The following MCCC1 variants were observed in gnomAD, a reference collection of about 807,000 sequenced individuals.
MCCC1 encodes the protein methylcrotonyl-CoA carboxylase subunit 1, also known as methylcrotonoyl-CoA carboxylase subunit alpha, mitochondrial.
Under a neutral mutation model 83.8 loss-of-function variants are expected in MCCC1, and 64 were observed. The ratio of observed to expected loss-of-function variants is 0.76; its 90% CI spans 0.62 to 0.94. MCCC1 has a LOEUF of 0.94. MCCC1 is among the 40% of genes least tolerant of loss of function. The pLI is 0.00. For missense variants in MCCC1, 807 were observed against 904.7 expected (o/e 0.89, Z 1.39); for synonymous variants, 322 against 315.4 (o/e 1.02, Z -0.22).
At chr3:183,034,817 G>A (rs180853286) in intron 13 of MCCC1, among the ~76,000 whole-genome samples, 6 of 147,276 alleles carry the variant, frequency 4.1e-5, no homozygotes, top group East Asian at 2.0e-4. Context: ...TCGTTCTGTC[G>A]CCCAGGATGG....
chr3:183,034,133 T>C, intron 13 of MCCC1, 56 bp from the exon 14 acceptor site: 2 of 1,203,244 alleles, frequency 1.7e-6, no homozygotes, highest in Non-Finnish European at 2.5e-6. Context: ...CTATGAAATT[T>C]ACACCTTACA....
At position 183,041,698 on chromosome 3, in the gene MCCC1, C is replaced by T; in HGVS notation, c.1136G>A (p.Gly379Asp). 2.5e-6 allele frequency: 4 copies of T among 1,614,184 alleles called. No individual in the cohort carries two copies. The highest frequency in any genetic ancestry group is 1.1e-5 in the South Asian group (1 of 91,068). The change falls in exon 11 of 19, where the codon GGC becomes GAC. Residue 379 changes from glycine (G) to aspartate (D), a missense_variant. Transcript: ENST00000265594. Reference sequence around the variant, plus strand: ...ATATATTCTAGCTTCGAAGGCATGGCCCTGCAGAGTTATTTCTTCCTGGCT... The same window carrying T: ...ATATATTCTAGCTTCGAAGGCATGGTCCTGCAGAGTTATTTCTTCCTGGCT... ...PLSQEEITLQGHAFEARIYAE... is the reference protein window; with the variant it reads ...PLSQEEITLQDHAFEARIYAE...
At chr3:183,105,015 T>C (rs1719383032) in intron 1 of MCCC1, among the ~76,000 whole-genome samples, 1 of 152,254 alleles carries the variant, frequency 6.6e-6, no homozygotes, top group Non-Finnish European at 1.5e-5. Flanking sequence ...ATAGCATTGT[T>C]GGAAATAGCA....
chr3:183,022,327 G>T, intron 16 of MCCC1, 90 bp downstream of exon 16: 4 of 1,487,816 alleles, frequency 2.7e-6, no homozygotes, highest in Non-Finnish European at 3.7e-6. Flanking sequence ...ACAGGAAGCT[G>T]GATCTTTCTA....
rs1717927826 is a variant in MCCC1, at chr3:183,086,808, T to C, written c.274-20A>G. On this transcript the variant is annotated intron_variant, in intron 3 of 18. Transcript: ENST00000265594. Reference sequence around the variant, plus strand: ...ATCTGCCTGTTTAAGAAACATCACATGCTTAAAAGACTTTGTGGCTAGTAC... The same window carrying C: ...ATCTGCCTGTTTAAGAAACATCACACGCTTAAAAGACTTTGTGGCTAGTAC... The C allele has an allele frequency of 3.7e-6, 6 of 1,608,662 alleles. No homozygotes were observed. The highest frequency in any genetic ancestry group is 3.3e-4 in the Middle Eastern group (2 of 6,080).
chr3:183,066,280 T>C (rs1716251440), intron 7 of MCCC1, among the ~76,000 whole-genome samples: 1 of 152,190 alleles, frequency 6.6e-6, no homozygotes, highest in African/African-American at 2.4e-5. Flanking sequence ...TGTCTTGTTT[T>C]GATCCTCTTC....
At chr3:183,033,681 AG>A (rs1197461701) in intron 14 of MCCC1, among the ~76,000 whole-genome samples, 1 of 152,058 alleles carries the variant, frequency 6.6e-6, no homozygotes, top group Non-Finnish European at 1.5e-5. Flanking sequence ...GGGGAAAAAG[AG>A]GTTTTTTTGG....
At chr3:183,089,815 T>C (rs1577358043) in intron 3 of MCCC1, among the ~76,000 whole-genome samples, 1 of 152,112 alleles carries the variant, frequency 6.6e-6, no homozygotes, top group Non-Finnish European at 1.5e-5. Flanking sequence ...TTAGCAATGG[T>C]GTTGTACTCT....
upstream of MCCC1, among the ~76,000 whole-genome samples, chr3:183,101,949 C>G (rs1240708285): frequency 1.3e-5 from 2 of 152,118 alleles, no homozygotes; most frequent in South Asian, 4.1e-4. Context: ...GCCAGTGAGA[C>G]CACGAACCCA....
chr3:183,038,362 T>TTGGACAGGAA, intron 12 of MCCC1, among the ~76,000 whole-genome samples: 1 of 152,152 alleles, frequency 6.6e-6, no homozygotes, highest in East Asian at 1.9e-4. Context: ...TTCTGGAAGA[T>TTGGACAGGAA]TGGACAGGAA....
chr3:183,069,240 A>T (rs1441488877), intron 7 of MCCC1, among the ~76,000 whole-genome samples: 1 of 152,214 alleles, frequency 6.6e-6, no homozygotes, highest in East Asian at 1.9e-4. Context: ...CTATTGGGGG[A>T]ATAAATTATA....
At position 183,087,313 on chromosome 3, in the gene MCCC1, C is replaced by G. The variant is rs1178056959; in HGVS notation, c.274-525G>C. ...ATCCCTTGAAGTAGACCATTTAGAG[C>G]ACATCATTCATTCATTCCAAGACTT... is the stretch of plus-strand genomic sequence containing the variant. On this transcript the variant is annotated intron_variant, in intron 3 of 18. Coordinates refer to ENST00000265594, the MANE Select transcript of MCCC1 (RefSeq NM_020166.5). Among the ~76,000 whole-genome samples the G allele has an allele frequency of 1.9e-4, 29 of 152,128 alleles. 1 individual carries two copies. The highest frequency in any genetic ancestry group is 1.9e-3 in the Admixed American group (29 of 15,252).
Position 183,035,580 on chromosome 3 carries a change from G to A in MCCC1, c.1595-1503C>T, listed in dbSNP as rs758087600. Among the ~76,000 whole-genome samples, 4 of 148,966 alleles carry A rather than the reference G, an allele frequency of 2.7e-5. No individual in the cohort carries two copies. The South Asian group carries it at 8.5e-4, about 32-fold the overall frequency. ...CTTAGCATCCCTGATCCAAGTATCT[G>A]GAATCTGAACTGTTCCAATGAGCAT... On this transcript the variant is annotated intron_variant, in intron 13 of 18. Coordinates refer to ENST00000265594, the MANE Select transcript of MCCC1 (RefSeq NM_020166.5).
At chr3:183,100,530 A>G (rs566939580), upstream of MCCC1, among the ~76,000 whole-genome samples, 69 of 152,374 alleles carry the variant, frequency 4.5e-4, 1 homozygote, top group African/African-American at 1.7e-3. Context: ...GTCCCAGAGC[A>G]CAAAAAAGAT....
intron 7 of MCCC1, among the ~76,000 whole-genome samples, chr3:183,063,655 G>A (rs1046974771): frequency 4.6e-5 from 7 of 151,986 alleles, no homozygotes; most frequent in Non-Finnish European, 5.9e-5. Flanking sequence ...GTATGAACTC[G>A]CCCTGAATTC....
At chr3:183,032,353 A>G (rs563393268) in intron 14 of MCCC1, among the ~76,000 whole-genome samples, 1 of 152,364 alleles carries the variant, frequency 6.6e-6, no homozygotes, top group Admixed American at 6.5e-5. Context: ...TTCAGCATAT[A>G]GGAGTCTAGA....
rs1249912961 is a variant in MCCC1, at chr3:183,057,295, T to C, written c.873+16A>G. 21 of 1,567,412 alleles carry C rather than the reference T, an allele frequency of 1.3e-5. No homozygotes were observed. The highest frequency in any genetic ancestry group is 1.8e-5 in the Non-Finnish European group (21 of 1,147,334). On this transcript the variant is annotated intron_variant, in intron 8 of 18. Coordinates refer to ENST00000265594, the MANE Select transcript of MCCC1 (RefSeq NM_020166.5). Reference sequence around the variant, plus strand: ...CATTACGGAGAAGCTTACAAATTTCTTTCCAAGGTCCTTACCGCTGGGGCC... The same window carrying C: ...CATTACGGAGAAGCTTACAAATTTCCTTCCAAGGTCCTTACCGCTGGGGCC...
At chr3:183,094,048 CTTTT>C (rs1301777122) in intron 2 of MCCC1, among the ~76,000 whole-genome samples, 2 of 135,628 alleles carry the variant, frequency 1.5e-5, no homozygotes, top group Non-Finnish European at 1.6e-5. Context: ...TTTATTTTTA[CTTTT>C]TTTTTTTTTT....
At chr3:183,101,071 C>T (rs2108580178), upstream of MCCC1, among the ~76,000 whole-genome samples, 1 of 152,362 alleles carries the variant, frequency 6.6e-6, no homozygotes, top group South Asian at 2.1e-4. Flanking sequence ...TACTGAGTCC[C>T]CCAGCAGTGC....
Sources: gnomAD v4.1 joint callset for allele counts (sites outside exome capture counted in the v4.1 genomes callset) on GRCh38, gnomAD v4.1.1 for gene constraint, MANE v1.5 for transcripts, NCBI Gene and HGNC (gene_info 2026-07-23, HGNC 2026-07-21) for gene names.